Variants in WDPCP observed in about 807,000 individuals in gnomAD.
The protein encoded by WDPCP is WD repeat containing planar cell polarity effector, also known as WD repeat-containing and planar cell polarity effector protein fritz homolog.
WDPCP carries 71 observed loss-of-function variants against 93.1 expected under a neutral mutation model. The observed-to-expected ratio is 0.76, with a 90% CI of 0.63 to 0.93. The LOEUF is 0.93. Ranked by LOEUF, WDPCP falls within the 40% of genes least tolerant of loss-of-function variation. The pLI is 0.00. For synonymous variants in WDPCP, 315 were observed against 315.0 expected (o/e 1.00, Z 0.00); for missense variants, 844 against 887.4 (o/e 0.95, Z 0.62).
chr2:63,260,487 G>T (rs1408568516), intron 13 of WDPCP, among the ~76,000 whole-genome samples: 1 of 152,102 alleles, frequency 6.6e-6, no homozygotes, highest in Non-Finnish European at 1.5e-5. Context: ...ATAATTACAG[G>T]TTGCAAAGTT....
chr2:63,307,831 T>G (rs917731208), intron 13 of WDPCP, among the ~76,000 whole-genome samples: 2 of 152,062 alleles, frequency 1.3e-5, no homozygotes, highest in African/African-American at 4.8e-5. Flanking sequence ...ACTTCATGAC[T>G]AAAACATCAA....
At chr2:63,700,636 T>C (rs1477105482) in intron 2 of WDPCP, among the ~76,000 whole-genome samples, 1 of 152,152 alleles carries the variant, frequency 6.6e-6, no homozygotes, top group Non-Finnish European at 1.5e-5. Context: ...TGTTTAAAAG[T>C]TTTGATACCC....
chr2:63,383,954 C>T (rs924345595), intron 10 of WDPCP, among the ~76,000 whole-genome samples: 5 of 152,074 alleles, frequency 3.3e-5, no homozygotes, highest in African/African-American at 9.7e-5. Context: ...AAGCTACATA[C>T]ATTTAAAAGT....
chr2:63,381,877 T>C, intron 11 of WDPCP, 29 bp downstream of exon 11: 1 of 1,610,998 alleles, frequency 6.2e-7, no homozygotes, highest in Non-Finnish European at 8.5e-7. Context: ...TATACAAAAC[T>C]CATCAATGAA....
At chr2:63,795,601 GAAAA>G (rs1182871954) in intron 2 of WDPCP, among the ~76,000 whole-genome samples, 14 of 151,374 alleles carry the variant, frequency 9.2e-5, no homozygotes, top group Middle Eastern at 6.8e-3. Flanking sequence ...AAGAAAGAAA[GAAAA>G]GAAAGAAAGA....
intron 10 of WDPCP, among the ~76,000 whole-genome samples, chr2:63,384,252 G>C (rs948513074): frequency 6.6e-6 from 1 of 152,038 alleles, no homozygotes; most frequent in African/African-American, 2.4e-5. Context: ...CAGTAAAATT[G>C]ACAAACTTCT....
intron 10 of WDPCP, among the ~76,000 whole-genome samples, chr2:63,382,501 T>C (rs1692397069): frequency 6.6e-6 from 1 of 152,088 alleles, no homozygotes; most frequent in Admixed American, 6.6e-5. Context: ...TTCAAAATGG[T>C]AGGTTACAAA....
Position 63,806,700 on chromosome 2 carries a change from C to T in WDPCP, n.308+6922G>A, listed in dbSNP as rs138095150. On this transcript the variant is annotated intron_variant and non_coding_transcript_variant, in intron 2 of 4. Transcript: ENST00000467687. ...CAGTTCAGAGACCCACCCCGAGGTG[C>T]GCATTCTCTTTCTCAGGGATGTTCC... 1.2e-3 allele frequency among the ~76,000 whole-genome samples: 183 copies of T among 152,210 alleles called. 1 individual carries two copies. The East Asian group carries it at 0.032, about 26-fold the overall frequency.
chr2:63,329,444 T>C (rs114344975), intron 12 of WDPCP, among the ~76,000 whole-genome samples: 2,080 of 152,298 alleles, frequency 0.014, 55 homozygotes, highest in African/African-American at 0.048. Flanking sequence ...TATACTGCAA[T>C]ATAAGTGAAA....
intron 6 of WDPCP, among the ~76,000 whole-genome samples, chr2:63,481,529 G>C (rs1700266141): frequency 6.6e-6 from 1 of 151,800 alleles, no homozygotes; most frequent in Admixed American, 6.6e-5. Context: ...AAGAAACTGT[G>C]GTAAATATAT....
chr2:63,453,495 G>A (rs1261711226), intron 6 of WDPCP, among the ~76,000 whole-genome samples: 1 of 152,162 alleles, frequency 6.6e-6, no homozygotes, highest in East Asian at 1.9e-4. Flanking sequence ...CACTGTTGGT[G>A]GGACTATAAA....
chr2:63,518,789 C>T (rs1441675150), intron 1 of WDPCP: 1 of 152,286 alleles, frequency 6.6e-6, no homozygotes, highest in East Asian at 1.9e-4. Context: ...GGATACCCCA[C>T]TAGGGTACCA....
chr2:63,691,770 C>T (rs917827085), intron 2 of WDPCP, among the ~76,000 whole-genome samples: 2 of 151,954 alleles, frequency 1.3e-5, no homozygotes, highest in African/African-American at 4.8e-5. Flanking sequence ...AAAAATGTAA[C>T]TGACATACAA....
intron 14 of WDPCP, among the ~76,000 whole-genome samples, chr2:63,251,987 A>C (rs545170130): frequency 3.3e-5 from 5 of 152,280 alleles, no homozygotes; most frequent in African/African-American, 1.2e-4. Flanking sequence ...CAATGAAAAA[A>C]GAAAACCACA....
intron 2 of WDPCP, among the ~76,000 whole-genome samples, chr2:63,740,329 CCACATTGTTTCCAA>C (rs1188445037): frequency 6.6e-6 from 1 of 152,072 alleles, no homozygotes; most frequent in Non-Finnish European, 1.5e-5. Context: ...TCCAGTTTCT[CCACATTGTTTCCAA>C]CACTTTGGAT....
chr2:63,247,688 A>C (rs1680395056), intron 14 of WDPCP, among the ~76,000 whole-genome samples: 1 of 151,600 alleles, frequency 6.6e-6, no homozygotes, highest in African/African-American at 2.4e-5. Context: ...AAAAAAAAAA[A>C]ACACCACCAA....
chr2:63,391,020 A>G (rs932863452), intron 10 of WDPCP, among the ~76,000 whole-genome samples: 10 of 152,144 alleles, frequency 6.6e-5, no homozygotes, highest in African/African-American at 9.7e-5. Flanking sequence ...AAAAGAGGGA[A>G]TCCTCCCTAA....
intron 3 of WDPCP, among the ~76,000 whole-genome samples, chr2:63,608,314 AGTGTTATG>A (rs986980025): frequency 8.5e-5 from 13 of 152,294 alleles, no homozygotes; most frequent in Admixed American, 5.2e-4. Context: ...ACACTAGCAT[AGTGTTATG>A]ATGTTAGAAG....
intron 13 of WDPCP, among the ~76,000 whole-genome samples, chr2:63,310,803 G>A (rs554321700): frequency 6.6e-6 from 1 of 152,256 alleles, no homozygotes; most frequent in Non-Finnish European, 1.5e-5. Flanking sequence ...AGGTTATAGT[G>A]AGCTATGATC....
Sources: gnomAD v4.1 joint callset for allele counts (sites outside exome capture counted in the v4.1 genomes callset) on GRCh38, gnomAD v4.1.1 for gene constraint, MANE v1.5 for transcripts, NCBI Gene and HGNC (gene_info 2026-07-23, HGNC 2026-07-21) for gene names.